The following DOCK2 variants were observed in gnomAD, a reference collection of about 807,000 sequenced individuals.
DOCK2 encodes dedicator of cytokinesis 2, also known as dedicator of cytokinesis protein 2.
In DOCK2, 87 loss-of-function variants were observed where a neutral mutation model predicts 248.9. That is an observed-to-expected ratio of 0.35 (90% CI 0.29 to 0.42). The LOEUF is 0.42. Ranked by LOEUF, DOCK2 falls within the 10% of genes least tolerant of loss-of-function variation. The pLI, the probability that DOCK2 is intolerant of heterozygous loss-of-function variation, is 1.00. For missense variants in DOCK2, 1,747 were observed against 2,300.2 expected, an observed-to-expected ratio of 0.76 and a Z score of 4.92; for synonymous variants, 805 against 821.6, an observed-to-expected ratio of 0.98 and a Z score of 0.35.
chr5:169,945,514 A>G (rs1047714662), intron 27 of DOCK2, among the ~76,000 whole-genome samples: 2 of 152,218 alleles, frequency 1.3e-5, no homozygotes, highest in African/African-American at 2.4e-5. Context: ...GTCTCATGCA[A>G]TCTTCCCAGG....
chr5:169,639,032 G>A (rs1227757093), intron 1 of DOCK2, among the ~76,000 whole-genome samples: 3 of 152,284 alleles, frequency 2.0e-5, no homozygotes, highest in African/African-American at 7.2e-5. Context: ...AAATTTCAGA[G>A]GTAGATTATG....
chr5:169,934,891 G>T, intron 27 of DOCK2: 2 of 353,172 alleles, frequency 5.7e-6, no homozygotes, highest in Non-Finnish European at 1.1e-5. Flanking sequence ...CCTTACACTT[G>T]ATATTTATTC....
chr5:169,742,722 TGAAA>T (rs1167855390), intron 22 of DOCK2, among the ~76,000 whole-genome samples: 1 of 152,150 alleles, frequency 6.6e-6, no homozygotes, highest in East Asian at 1.9e-4. Context: ...TGTACCTGCG[TGAAA>T]GAGGTGGTAC....
At chr5:169,703,518 G>A (rs942419547) in intron 14 of DOCK2, among the ~76,000 whole-genome samples, 2 of 152,108 alleles carry the variant, frequency 1.3e-5, no homozygotes, top group African/African-American at 4.8e-5. Flanking sequence ...TACAATGCCC[G>A]TACATGTAGC....
At chr5:169,915,783 A>G (rs1050745693) in intron 27 of DOCK2, among the ~76,000 whole-genome samples, 1 of 152,202 alleles carries the variant, frequency 6.6e-6, no homozygotes, top group African/African-American at 2.4e-5. Flanking sequence ...GAGTCTACAT[A>G]TGGAAATCAA....
intron 14 of DOCK2, among the ~76,000 whole-genome samples, chr5:169,703,336 A>G (rs1001200745): frequency 6.6e-6 from 1 of 152,156 alleles, no homozygotes; most frequent in Non-Finnish European, 1.5e-5. Flanking sequence ...TTCACAGGGG[A>G]ATTACCATGT....
At chr5:170,026,902 T>C (rs896949358) in intron 33 of DOCK2, among the ~76,000 whole-genome samples, 7 of 152,174 alleles carry the variant, frequency 4.6e-5, no homozygotes, top group African/African-American at 1.7e-4. Flanking sequence ...TTATGAGTAT[T>C]TTTCATCATT....
chr5:169,790,968 A>G (rs751148730), intron 25 of DOCK2, among the ~76,000 whole-genome samples: 8 of 152,172 alleles, frequency 5.3e-5, no homozygotes, highest in Non-Finnish European at 7.4e-5. Context: ...AAAGAAACAC[A>G]CATGCAGTTC....
chr5:169,888,234 G>T (rs1773087206), intron 27 of DOCK2, among the ~76,000 whole-genome samples: 1 of 152,162 alleles, frequency 6.6e-6, no homozygotes, highest in Admixed American at 6.6e-5. Context: ...CTGGCTAAAA[G>T]CACCCTCTGG....
chr5:169,972,632 T>TGAC (rs1561859918), intron 27 of DOCK2, among the ~76,000 whole-genome samples: 6 of 141,158 alleles, frequency 4.3e-5, no homozygotes, highest in African/African-American at 1.5e-4. Flanking sequence ...AGATAGATGA[T>TGAC]AGGTGGATAA....
chr5:169,755,814 TG>T (rs1314244848), intron 23 of DOCK2, among the ~76,000 whole-genome samples: 2 of 152,162 alleles, frequency 1.3e-5, no homozygotes, highest in Non-Finnish European at 2.9e-5. Flanking sequence ...GATAGAAACA[TG>T]TAACATATGG....
At chr5:169,877,772 A>G (rs2113486057) in intron 27 of DOCK2, among the ~76,000 whole-genome samples, 1 of 152,260 alleles carries the variant, frequency 6.6e-6, no homozygotes, top group South Asian at 2.1e-4. Context: ...TAAGGATAAG[A>G]CGAGGAGCAG....
intron 27 of DOCK2, among the ~76,000 whole-genome samples, chr5:169,888,690 A>G (rs553744316): frequency 6.6e-6 from 1 of 152,312 alleles, no homozygotes; most frequent in East Asian, 1.9e-4. Context: ...CTTTCTGACT[A>G]TTGACTTGGA....
chr5:169,885,677 C>T (rs938959816), intron 27 of DOCK2, among the ~76,000 whole-genome samples: 1 of 152,194 alleles, frequency 6.6e-6, no homozygotes, highest in Middle Eastern at 3.2e-3. Context: ...TTACTGAGTA[C>T]TAACTAATGT....
chr5:169,990,786 G>A lies in DOCK2; in HGVS notation c.2993+4864G>A, dbSNP rs565301187. Among the ~76,000 whole-genome samples the A allele has an allele frequency of 5.7e-4, 87 of 152,276 alleles. 1 individual carries two copies. The South Asian group carries it at 0.012, about 21-fold the overall frequency. ...TTGGAGTGGCCTTTTCTCTCCCTTGGTGAATCTCACCAGATAGGGCATGTC... is the reference window on the plus strand; with the variant it reads ...TTGGAGTGGCCTTTTCTCTCCCTTGATGAATCTCACCAGATAGGGCATGTC... On this transcript the variant is annotated intron_variant, in intron 29 of 51. Transcript: ENST00000520908.
intron 47 of DOCK2, 70 bp downstream of exon 47, chr5:170,076,154 T>C: frequency 6.4e-7 from 1 of 1,564,426 alleles, no homozygotes; most frequent in Non-Finnish European, 8.7e-7. Flanking sequence ...TGCTGGAGGC[T>C]GAAGTTGGAG....
chr5:170,024,591 G>A (rs960810922), intron 33 of DOCK2, among the ~76,000 whole-genome samples: 1 of 152,060 alleles, frequency 6.6e-6, no homozygotes, highest in Non-Finnish European at 1.5e-5. Flanking sequence ...ACGTGTGTTT[G>A]CCCTTTAATT....
intron 27 of DOCK2, among the ~76,000 whole-genome samples, chr5:169,941,353 C>A (rs1776238056): frequency 2.0e-5 from 3 of 152,086 alleles, no homozygotes; most frequent in Admixed American, 1.3e-4. Context: ...GATTACAGGC[C>A]TGTGCCCCCA....
chr5:169,733,553 C>T (rs529302359), intron 22 of DOCK2, among the ~76,000 whole-genome samples: 1 of 152,146 alleles, frequency 6.6e-6, no homozygotes, highest in Non-Finnish European at 1.5e-5. Flanking sequence ...AAAAGCTCAT[C>T]ACTCTTTCTC....
Sources: allele counts gnomAD v4.1 joint callset (sites outside exome capture counted in the v4.1 genomes callset), GRCh38; gene constraint gnomAD v4.1.1; transcripts MANE v1.5; gene names NCBI Gene and HGNC (gene_info 2026-07-23, HGNC 2026-07-21).